The following MBP variants were observed in gnomAD, a reference collection of about 807,000 sequenced individuals.
MBP encodes the protein Golli-MBP.
A neutral mutation model predicts 35.8 loss-of-function variants in MBP; 16 were observed. The observed-to-expected ratio is 0.45, with a 90% CI of 0.30 to 0.68. The LOEUF is 0.68. Ranked by LOEUF, MBP falls within the 30% of genes least tolerant of loss-of-function variation. MBP has a pLI of 0.08. For missense variants in MBP, 380 were observed against 404.7 expected (o/e 0.94, Z 0.52); for synonymous variants, 143 against 159.6 (o/e 0.90, Z 0.78).
chr18:77,002,090 C>T (rs929959628), intron 4 of MBP, among the ~76,000 whole-genome samples: 2 of 152,208 alleles, frequency 1.3e-5, no homozygotes, highest in African/African-American at 4.8e-5. Flanking sequence ...AACATCTGCC[C>T]CATTTTCCCA....
At chr18:77,054,483 G>A (rs1204361789) in intron 3 of MBP, among the ~76,000 whole-genome samples, 6 of 152,334 alleles carry the variant, frequency 3.9e-5, no homozygotes, top group African/African-American at 7.2e-5. Context: ...AGCAGGGAGC[G>A]AGGTGCTCAG....
intron 3 of MBP, among the ~76,000 whole-genome samples, chr18:77,018,716 T>C (rs1252306611): frequency 4.4e-5 from 6 of 135,358 alleles, no homozygotes; most frequent in African/African-American, 1.7e-4. Context: ...ATACATCCAT[T>C]CATCCATCCA....
At chr18:77,108,499 AG>A (rs1976349186) in intron 1 of MBP, 1 of 152,216 alleles carries the variant, frequency 6.6e-6, no homozygotes, top group Non-Finnish European at 1.5e-5. Context: ...AGGACCGCTG[AG>A]ACTTCCGCGG....
At chr18:76,984,288 A>C (rs538468404) in intron 8 of MBP, 5 of 160,518 alleles carry the variant, frequency 3.1e-5, no homozygotes, top group African/African-American at 9.6e-5. Flanking sequence ...AGAGCTTATA[A>C]ACAGCGGGCC....
At chr18:77,023,334 C>T (rs142870701) in intron 3 of MBP, among the ~76,000 whole-genome samples, 1 of 152,344 alleles carries the variant, frequency 6.6e-6, no homozygotes, top group East Asian at 1.9e-4. Flanking sequence ...CTCATTTTTA[C>T]AGTGTGACTG....
intron 2 of MBP, among the ~76,000 whole-genome samples, chr18:77,094,734 A>G (rs1054922989): frequency 5.9e-5 from 9 of 152,216 alleles, no homozygotes; most frequent in Admixed American, 4.6e-4. Flanking sequence ...CTAGTAGGGC[A>G]ATGGGAGAAT....
chr18:77,075,613 A>G lies in MBP; in HGVS notation c.52-9228T>C, dbSNP rs183383558. On this transcript the variant is annotated intron_variant, in intron 2 of 8. Transcript: ENST00000355994. ...TATAGCAGAGAGAAGAAAACTGCTG[A>G]AACATGATGATGTTTTGCTTAGGGA... is the stretch of plus-strand genomic sequence containing the variant. Among the ~76,000 whole-genome samples, 27 of 152,300 alleles carry G rather than the reference A, an allele frequency of 1.8e-4. No homozygotes were observed. The East Asian group carries it at 3.3e-3, about 18-fold the overall frequency.
rs1372924601 is a variant in MBP, at chr18:77,101,984, A to G, written c.51+3227T>C. ...TGTGCTGGGGATGCTCCAGGCTTAG[A>G]GACGGAGGCATCAGAGAGAGGAAAG... On this transcript the variant is annotated intron_variant, in intron 2 of 8. Coordinates refer to ENST00000355994, the MANE Select transcript of MBP (RefSeq NM_001025101.2). This position sits in a 1 kb window ranked among gnomAD's most constrained non-coding sequence, Gnocchi z 4.3. Among the ~76,000 whole-genome samples the G allele has an allele frequency of 6.6e-6, 1 of 152,220 alleles. No homozygotes were observed. Among genetic ancestry groups the G allele is most frequent in the African/African-American group, 2.4e-5 (1 of 41,440 alleles).
intron 3 of MBP, among the ~76,000 whole-genome samples, chr18:77,050,181 A>G (rs1045379564): frequency 9.2e-5 from 14 of 152,186 alleles, no homozygotes; most frequent in African/African-American, 2.2e-4. Context: ...AAGAAATCAC[A>G]TGTCTAAAAA....
chr18:77,112,538 C>A, intron 1 of MBP: 1 of 152,424 alleles, frequency 6.6e-6, no homozygotes. Context: ...GGTCAGATCC[C>A]TCTCTTCCTC....
chr18:77,108,885 G>A (rs765034840), intron 1 of MBP: 11 of 152,180 alleles, frequency 7.2e-5, no homozygotes, highest in African/African-American at 9.7e-5. Flanking sequence ...GACTTTCTAC[G>A]GTGAAAATCA....
chr18:77,081,034 T>C (rs902912429), intron 2 of MBP, among the ~76,000 whole-genome samples: 1 of 152,132 alleles, frequency 6.6e-6, no homozygotes, highest in African/African-American at 2.4e-5. Context: ...GTAGAAATGA[T>C]CCCTGAAAGT....
intron 3 of MBP, among the ~76,000 whole-genome samples, chr18:77,029,052 AGGCAGGC>A (rs1177169552): frequency 9.5e-6 from 1 of 105,192 alleles, no homozygotes; most frequent in East Asian, 2.9e-4. Context: ...TGGGAGGCCA[AGGCAGGC>A]GGCTGGGAGG....
chr18:77,082,460 G>T (rs940527416), intron 2 of MBP, among the ~76,000 whole-genome samples: 2 of 152,216 alleles, frequency 1.3e-5, no homozygotes, highest in African/African-American at 4.8e-5. Context: ...GGATGAGGTC[G>T]GGTGGGGTTG....
At chr18:77,092,695 A>G (rs1222971864) in intron 2 of MBP, among the ~76,000 whole-genome samples, 1 of 152,142 alleles carries the variant, frequency 6.6e-6, no homozygotes, top group Non-Finnish European at 1.5e-5. Context: ...GAGGAACATG[A>G]TCAGTGAAGG....
chr18:77,056,716 T>C (rs2144734466), intron 3 of MBP, among the ~76,000 whole-genome samples: 1 of 152,290 alleles, frequency 6.6e-6, no homozygotes, highest in East Asian at 1.9e-4. Flanking sequence ...GGGATACGTC[T>C]TCCCTGCCTG....
chr18:77,100,907 C>G (rs1975982435), intron 2 of MBP, among the ~76,000 whole-genome samples: 1 of 152,098 alleles, frequency 6.6e-6, no homozygotes, highest in Non-Finnish European at 1.5e-5. Context: ...TAGCTATCAC[C>G]AGAAAACCCC....
chr18:77,048,182 G>C (rs1299783185), intron 3 of MBP, among the ~76,000 whole-genome samples: 1 of 152,232 alleles, frequency 6.6e-6, no homozygotes, highest in Admixed American at 6.5e-5. Context: ...GCTGTAGGCA[G>C]CAGGTGGGCA....
intron 2 of MBP, among the ~76,000 whole-genome samples, chr18:77,096,793 A>AAC (rs376221464): frequency 1.5e-3 from 61 of 40,580 alleles, no homozygotes; most frequent in African/African-American, 0.012. Context: ...GGGCAAATGT[A>AAC]AGTGTGAAGA....
Sources: gnomAD v4.1 joint callset for allele counts (sites outside exome capture counted in the v4.1 genomes callset) on GRCh38, gnomAD v4.1.1 for gene constraint, Gnocchi (gnomAD v3.1) non-coding constraint, MANE v1.5 for transcripts, NCBI Gene and HGNC (gene_info 2026-07-23, HGNC 2026-07-21) for gene names.